Variants in TCL1B observed in about 807,000 individuals in gnomAD.
TCL1B encodes T-cell leukemia/lymphoma protein 1B.
In TCL1B, 14 loss-of-function variants were observed where a neutral mutation model predicts 16.9. The ratio of observed to expected loss-of-function variants is 0.83; its 90% confidence interval spans 0.55 to 1.30. The LOEUF is 1.30. TCL1B is among the 50% of genes most tolerant of loss of function. TCL1B has a pLI of 0.00. For synonymous variants in TCL1B, 79 were observed against 66.6 expected (o/e 1.19, Z -0.91); for missense variants, 166 against 165.2 (o/e 1.00, Z -0.03).
chr14:95,686,663 G>C, intron 1 of TCL1B, 34 bp downstream of exon 1: 1 of 1,578,666 alleles, frequency 6.3e-7, no homozygotes, highest in South Asian at 1.2e-5. Flanking sequence ...GCTGTGGGGA[G>C]GGCTGCGCAC....
Position 95,686,553 on chromosome 14 carries a change from G to T in TCL1B, c.86G>T (p.Gly29Val). The change falls in exon 1 of 4, where the codon GGG becomes GTG. Residue 29 changes from glycine (G) to valine (V), a missense_variant. Coordinates refer to ENST00000340722, the MANE Select transcript of TCL1B (RefSeq NM_004918.4). ...QRPGIYEDEE[G>V]RTWVTVVVRF... Reference sequence around the variant, plus strand: ...CCTGGCATCTACGAAGATGAGGAGGGGAGAACCTGGGTGACTGTGGTCGTG... The same window carrying T: ...CCTGGCATCTACGAAGATGAGGAGGTGAGAACCTGGGTGACTGTGGTCGTG... The T allele has an allele frequency of 6.2e-7, 1 of 1,613,992 alleles. No individual in the cohort carries two copies. The highest frequency in any genetic ancestry group is 8.5e-7 in the Non-Finnish European group (1 of 1,179,906).
In TCL1B at chr14:95,690,876, C is replaced by T; in HGVS notation, c.303C>T (p.Ser101=). 1 of 1,614,122 alleles carries T rather than the reference C, an allele frequency of 6.2e-7. No homozygotes were observed. The highest frequency in any genetic ancestry group is 8.5e-7 in the Non-Finnish European group (1 of 1,179,960). The change falls in exon 2 of 4, where the codon TCC becomes TCT. Residue 101 remains serine (S), a synonymous_variant. Transcript: ENST00000340722. ...GGAGGAAGTACCGAGCAGCGGATTC[C>T]AGTTTCTGGGAAATAGCAGACCATG... ...YPGRKYRAAD[S]SFWEIADHGQ...
In TCL1B at chr14:95,690,785, G is replaced by A. The variant is rs766229714; in HGVS notation, c.212G>A (p.Arg71Gln). 1.5e-5 allele frequency: 25 copies of A among 1,614,052 alleles called. No homozygotes were observed. Among genetic ancestry groups the A allele is most frequent in the East Asian group, 4.5e-5 (2 of 44,898 alleles). ...TTGTGGCAGATGGCAGTGCATACCC[G>A]GGAGCTACTCTCCTCCGGCCAGATG... ...VHLWQMAVHT[R>Q]ELLSSGQMPF... Residue 71 changes from arginine (R) to glutamine (Q), a missense_variant, in exon 2 of 4, where the codon CGG (arginine) becomes CAG (glutamine). Transcript: ENST00000340722.
Position 95,691,968 on chromosome 14 carries a change from T to G in TCL1B, c.*53T>G, listed in dbSNP as rs1277844622. ...CTGCCTCTTCTGGCCTGGTGTCTCC[T>G]CATGCCCCCTCAGTGAGGATCTTCA... On this transcript the variant is annotated 3_prime_UTR_variant, in exon 4 of 4. Transcript: ENST00000340722. 1 of 152,714 alleles carries G rather than the reference T, an allele frequency of 6.5e-6. No individual in the cohort carries two copies. Among genetic ancestry groups the G allele is most frequent in the Non-Finnish European group, 1.5e-5 (1 of 68,412 alleles). The allele number at this position is 152,714 out of a possible 1,614,324, so 9.5% of individuals were successfully genotyped here.
rs17093261 is a variant in TCL1B, at chr14:95,687,100, C to A, written c.162+471C>A. On this transcript the variant is annotated intron_variant, in intron 1 of 3. Coordinates refer to ENST00000340722, the MANE Select transcript of TCL1B (RefSeq NM_004918.4). Reference sequence around the variant, plus strand: ...TGATCTGCAAAATGAGAATAATATACCTCTGTGGCAAGCTAGTCACAGACA... The same window carrying A: ...TGATCTGCAAAATGAGAATAATATAACTCTGTGGCAAGCTAGTCACAGACA... Among the ~76,000 whole-genome samples the A allele has an allele frequency of 8.4e-3, 1,272 of 152,326 alleles. 18 individuals are homozygous for A. Among genetic ancestry groups the A allele is most frequent in the African/African-American group, 0.028 (1,183 of 41,552 alleles).
intron 1 of TCL1B, 105 bp downstream of exon 1, chr14:95,686,734 G>A: frequency 7.5e-7 from 1 of 1,340,968 alleles, no homozygotes; most frequent in Non-Finnish European, 9.9e-7. Context: ...ACCCGCACTG[G>A]AAAACTCACT....
In TCL1B at chr14:95,690,860, A is replaced by T; in HGVS notation, c.287A>T (p.Tyr96Phe). 1.2e-6 allele frequency: 2 copies of T among 1,614,172 alleles called. No homozygotes were observed. The highest frequency in any genetic ancestry group is 1.7e-6 in the Non-Finnish European group (2 of 1,180,012). Residue 96 changes from tyrosine (Y) to phenylalanine (F), a missense_variant, in exon 2 of 4, where the codon TAC (tyrosine) becomes TTC (phenylalanine). Transcript: ENST00000340722. ...AVWQLYPGRKYRAADSSFWEI... is the reference protein window; with the variant it reads ...AVWQLYPGRKFRAADSSFWEI... ...TGGCAGCTCTACCCCGGGAGGAAGTACCGAGCAGCGGATTCCAGTTTCTGG... is the reference window on the plus strand; with the variant it reads ...TGGCAGCTCTACCCCGGGAGGAAGTTCCGAGCAGCGGATTCCAGTTTCTGG...
At chr14:95,690,110 T>C (rs574250538) in intron 1 of TCL1B, among the ~76,000 whole-genome samples, 1 of 152,332 alleles carries the variant, frequency 6.6e-6, no homozygotes, top group Non-Finnish European at 1.5e-5. Flanking sequence ...TCAAGAAATC[T>C]TCTCACCTTA....
chr14:95,689,744 A>C (rs1216351251), intron 1 of TCL1B, among the ~76,000 whole-genome samples: 1 of 152,354 alleles, frequency 6.6e-6, no homozygotes, highest in Admixed American at 6.5e-5. Flanking sequence ...TTTGCCGTAT[A>C]ATTTAAAATA....
intron 1 of TCL1B, 133 bp from the exon 2 acceptor site, chr14:95,690,603 G>T: frequency 9.4e-7 from 1 of 1,066,702 alleles, no homozygotes; most frequent in South Asian, 1.5e-5. Context: ...AAGTACCAGT[G>T]CCAAGGCTCT....
intron 1 of TCL1B, 133 bp from the exon 2 acceptor site, chr14:95,690,603 G>A (rs1483097797): frequency 1.9e-6 from 2 of 1,066,586 alleles, no homozygotes; most frequent in Admixed American, 4.4e-5. Flanking sequence ...AAGTACCAGT[G>A]CCAAGGCTCT....
rs564842117 is a variant in TCL1B, at chr14:95,687,745, G to A, written c.162+1116G>A. Among the ~76,000 whole-genome samples, 23 of 152,200 alleles carry A rather than the reference G, an allele frequency of 1.5e-4. No individual in the cohort carries two copies. The East Asian group carries it at 4.5e-3, about 30-fold the overall frequency. On this transcript the variant is annotated intron_variant, in intron 1 of 3. Coordinates refer to ENST00000340722, the MANE Select transcript of TCL1B (RefSeq NM_004918.4). ...AGATGGGCTTATCACGAGATCAGGAGATCGAGACCATCCTAGCCAACATGG... is the reference window on the plus strand; with the variant it reads ...AGATGGGCTTATCACGAGATCAGGAAATCGAGACCATCCTAGCCAACATGG...
At chr14:95,691,500 G>T in intron 3 of TCL1B, 164 bp downstream of exon 3, 1 of 608,824 alleles carries the variant, frequency 1.6e-6, no homozygotes, top group Non-Finnish European at 2.9e-6. Context: ...GGATGTGATG[G>T]TACACAGTGG....
intron 1 of TCL1B, among the ~76,000 whole-genome samples, chr14:95,689,569 C>T (rs1183964083): frequency 6.6e-6 from 1 of 152,180 alleles, no homozygotes; most frequent in Admixed American, 6.5e-5. Flanking sequence ...TGCAGCTACT[C>T]AGCTCTGCTA....
At position 95,686,459 on chromosome 14, in the gene TCL1B, A is replaced by G. The variant is rs1435669711; in HGVS notation, c.-9A>G. 7 of 1,580,268 alleles carry G rather than the reference A, an allele frequency of 4.4e-6. No homozygotes were observed. Among genetic ancestry groups the G allele is most frequent in the Non-Finnish European group, 2.6e-6 (3 of 1,164,604 alleles). On this transcript the variant is annotated 5_prime_UTR_variant, in exon 1 of 4. Transcript: ENST00000340722. ...GAGCCTAGAGGCGGGTCCCGGTTGC[A>G]GACTTGCCATGGCCTCCGAAGCTTC... is the stretch of plus-strand genomic sequence containing the variant.
At position 95,686,450 on chromosome 14, in the gene TCL1B, C is replaced by T. The variant is rs774615666; in HGVS notation, c.-18C>T. The stretch of plus-strand genomic sequence containing the variant: ...TACACGTGTGAGCCTAGAGGCGGGT[C>T]CCGGTTGCAGACTTGCCATGGCCTC... On this transcript the variant is annotated 5_prime_UTR_variant, in exon 1 of 4. Transcript: ENST00000340722. 79 of 1,575,708 alleles carry T rather than the reference C, an allele frequency of 5.0e-5. 1 individual carries two copies. In the Admixed American group the frequency reaches 1.1e-3, roughly 23 times the overall value.
At chr14:95,690,610 C>A in intron 1 of TCL1B, 126 bp from the exon 2 acceptor site, 1 of 1,124,840 alleles carries the variant, frequency 8.9e-7, no homozygotes, top group Non-Finnish European at 1.3e-6. Context: ...AGTGCCAAGG[C>A]TCTTGGTCTG....
intron 1 of TCL1B, among the ~76,000 whole-genome samples, chr14:95,689,046 G>C (rs1039437261): frequency 6.6e-6 from 1 of 152,194 alleles, no homozygotes; most frequent in Non-Finnish European, 1.5e-5. Flanking sequence ...CAGCACTTTG[G>C]GGGGCCGAGG....
chr14:95,687,409 A>G (rs2139703190), intron 1 of TCL1B, among the ~76,000 whole-genome samples: 1 of 152,308 alleles, frequency 6.6e-6, no homozygotes, highest in Admixed American at 6.5e-5. Flanking sequence ...CTGATAGAAA[A>G]TGACCTGGGT....
Sources: allele counts gnomAD v4.1 joint callset (sites outside exome capture counted in the v4.1 genomes callset), GRCh38; gene constraint gnomAD v4.1.1; transcripts MANE v1.5; gene names NCBI Gene and HGNC (gene_info 2026-07-23, HGNC 2026-07-21).